The following PRDM16 variants were observed in gnomAD, a reference collection of about 807,000 sequenced individuals.
PRDM16 encodes the protein histone-lysine N-methyltransferase PRDM16.
PRDM16 carries 23 observed loss-of-function variants against 110.6 expected under a neutral mutation model. The observed-to-expected ratio is 0.21, with a 90% CI of 0.15 to 0.29. The LOEUF (loss-of-function observed/expected upper bound fraction) is 0.29, where lower values mean the gene tolerates loss of function less well. Ranked by LOEUF, PRDM16 falls within the 10% of genes least tolerant of loss-of-function variation. PRDM16 has a pLI of 1.00. For synonymous variants in PRDM16, 799 were observed against 781.8 expected (o/e 1.02, Z -0.37); for missense variants, 1,615 against 1,794.3 (o/e 0.90, Z 1.81).
At chr1:3,386,654 A>C (rs1222960528) in intron 4 of PRDM16, 2 of 152,376 alleles carry the variant, frequency 1.3e-5, no homozygotes, top group Admixed American at 6.5e-5. Flanking sequence ...AGAACTTAAA[A>C]AAATTTTTTT....
At chr1:3,130,538 G>GTATA (rs1323993368) in intron 1 of PRDM16, among the ~76,000 whole-genome samples, 1 of 152,194 alleles carries the variant, frequency 6.6e-6, no homozygotes, top group Non-Finnish European at 1.5e-5. Context: ...CCTGTCTATA[G>GTATA]GTTTCCTCGC....
chr1:3,252,007 C>T (rs186557320), intron 3 of PRDM16, among the ~76,000 whole-genome samples: 63 of 152,304 alleles, frequency 4.1e-4, no homozygotes, highest in African/African-American at 1.4e-3. Context: ...CTCGTTACCA[C>T]GATTCTCATC....
chr1:3,376,194 G>A (rs1045182700), intron 3 of PRDM16, among the ~76,000 whole-genome samples: 3 of 152,200 alleles, frequency 2.0e-5, no homozygotes, highest in African/African-American at 4.8e-5. Flanking sequence ...GCTTCCACAT[G>A]GCATTTGGGG....
intron 1 of PRDM16, among the ~76,000 whole-genome samples, chr1:3,140,997 T>G (rs35965914): frequency 0.055 from 8,378 of 151,988 alleles, 331 homozygotes; most frequent in East Asian, 0.075. Context: ...GCCAGAGGAG[T>G]CCCCATGTCC....
chr1:3,351,644 A>C (rs965305108), intron 3 of PRDM16, among the ~76,000 whole-genome samples: 17 of 1,698 alleles, frequency 0.01, no homozygotes, highest in African/African-American at 0.019. Flanking sequence ...CTCTCTCTCC[A>C]TCTCTCTCTC....
chr1:3,184,707 C>T (rs1464229914), intron 1 of PRDM16, among the ~76,000 whole-genome samples: 2 of 152,168 alleles, frequency 1.3e-5, no homozygotes, highest in African/African-American at 4.8e-5. Flanking sequence ...ACCTGGGCCT[C>T]TCGCTGTCAC....
chr1:3,367,915 T>C (rs998973629), intron 3 of PRDM16, among the ~76,000 whole-genome samples: 1 of 152,230 alleles, frequency 6.6e-6, no homozygotes, highest in Admixed American at 6.5e-5. Flanking sequence ...TAAAAAATCA[T>C]TTAAAAGTAG....
At chr1:3,153,204 T>C (rs962790597) in intron 1 of PRDM16, among the ~76,000 whole-genome samples, 10 of 152,182 alleles carry the variant, frequency 6.6e-5, no homozygotes, top group African/African-American at 2.4e-4. Flanking sequence ...TCCTCACCCC[T>C]GTAGCTCCGT....
At chr1:3,089,997 T>G (rs1642239181) in intron 1 of PRDM16, among the ~76,000 whole-genome samples, 1 of 152,190 alleles carries the variant, frequency 6.6e-6, no homozygotes. Flanking sequence ...CTCCCAAATT[T>G]CTAAGAAGCT....
At chr1:3,348,496 G>A (rs1348827754) in intron 3 of PRDM16, among the ~76,000 whole-genome samples, 1 of 152,188 alleles carries the variant, frequency 6.6e-6, no homozygotes, top group African/African-American at 2.4e-5. Context: ...GAGAGCAGTG[G>A]GCACGGCTTC....
chr1:3,398,574 C>T (rs766486651), intron 5 of PRDM16, among the ~76,000 whole-genome samples: 4 of 152,228 alleles, frequency 2.6e-5, no homozygotes, highest in South Asian at 2.1e-4. Flanking sequence ...CTTTGAGCCT[C>T]GAGTCTGGTA....
At chr1:3,296,378 T>G (rs1641089400) in intron 3 of PRDM16, among the ~76,000 whole-genome samples, 1 of 152,204 alleles carries the variant, frequency 6.6e-6, no homozygotes, top group Non-Finnish European at 1.5e-5. Flanking sequence ...TCCATTCTCC[T>G]GCAAACACTT....
chr1:3,181,591 TGGTCTTACACATGCAGTCTTACACAC>T (rs1557509703), intron 1 of PRDM16, among the ~76,000 whole-genome samples: 8 of 50,586 alleles, frequency 1.6e-4, no homozygotes, highest in East Asian at 6.8e-4. Flanking sequence ...GTCTTACATA[TGGTCTTACACATGCAGTCTTACACAC>T]GGTCTTACAC....
intron 1 of PRDM16, among the ~76,000 whole-genome samples, chr1:3,176,740 C>G (rs1009478190): frequency 4.0e-5 from 6 of 151,104 alleles, no homozygotes; most frequent in African/African-American, 1.5e-4. Context: ...ATCCATCCAT[C>G]CATCTATTCT....
chr1:3,311,536 C>G (rs1267317448), intron 3 of PRDM16, among the ~76,000 whole-genome samples: 2 of 152,178 alleles, frequency 1.3e-5, no homozygotes, highest in Admixed American at 1.3e-4. Flanking sequence ...ATGAAGAATC[C>G]CCACAGGCCC....
chr1:3,197,493 G>A (rs948701346), intron 2 of PRDM16, among the ~76,000 whole-genome samples: 3 of 152,268 alleles, frequency 2.0e-5, no homozygotes, highest in African/African-American at 7.2e-5. Flanking sequence ...TTCACCTCTG[G>A]TGCCTGCACC....
intron 1 of PRDM16, among the ~76,000 whole-genome samples, chr1:3,073,629 C>G (rs1488591594): frequency 6.6e-6 from 1 of 152,072 alleles, no homozygotes; most frequent in Non-Finnish European, 1.5e-5. Flanking sequence ...ATCGAGCCAC[C>G]GAGGGCTGCA....
chr1:3,269,609 A>AGGAGGACAGTCGG (rs1640383354), intron 3 of PRDM16, among the ~76,000 whole-genome samples: 1 of 81,398 alleles, frequency 1.2e-5, no homozygotes, highest in African/African-American at 1.3e-4. Flanking sequence ...GGACAGTCCC[A>AGGAGGACAGTCGG]GAGGAGCACA....
intron 4 of PRDM16, among the ~76,000 whole-genome samples, chr1:3,391,946 A>G (rs1027924300): frequency 2.6e-5 from 4 of 152,256 alleles, no homozygotes; most frequent in Non-Finnish European, 5.9e-5. Context: ...CGACATGCTC[A>G]GCTCCTGGGC....
Sources: allele counts gnomAD v4.1 joint callset (sites outside exome capture counted in the v4.1 genomes callset), GRCh38; gene constraint gnomAD v4.1.1; transcripts MANE v1.5; gene names NCBI Gene and HGNC (gene_info 2026-07-23, HGNC 2026-07-21).